The following VWC2 variants were observed in gnomAD, a reference collection of about 807,000 sequenced individuals.
VWC2 encodes brorin.
VWC2 carries 14 observed loss-of-function variants against 29.8 expected under a neutral mutation model. The ratio of observed to expected loss-of-function variants is 0.47; its 90% CI spans 0.31 to 0.74. VWC2 has a LOEUF of 0.74. Among genes scored for constraint, VWC2 ranks in the 30% least tolerant of loss-of-function variants. The pLI is 0.05. For synonymous variants in VWC2, 213 were observed against 199.0 expected, an observed-to-expected ratio of 1.07 and a Z score of -0.59; for missense variants, 457 against 459.8, an observed-to-expected ratio of 0.99 and a Z score of 0.05.
chr7:49,877,540 C>G (rs1268969835), intron 3 of VWC2, among the ~76,000 whole-genome samples: 3 of 105,552 alleles, frequency 2.8e-5, no homozygotes, highest in Non-Finnish European at 5.7e-5. Context: ...ACTTGCTTAC[C>G]TATTTCATCC....
chr7:49,903,124 AG>A (rs1273706567), intron 3 of VWC2, among the ~76,000 whole-genome samples: 1 of 152,214 alleles, frequency 6.6e-6, no homozygotes, highest in Non-Finnish European at 1.5e-5. Context: ...ATGCTGGTAA[AG>A]ATGTGAGTAA....
chr7:49,857,823 A>G (rs994751417), intron 3 of VWC2, among the ~76,000 whole-genome samples: 2 of 152,188 alleles, frequency 1.3e-5, no homozygotes, highest in African/African-American at 4.8e-5. Context: ...AGTGAATCAG[A>G]GCTTCAATTT....
intron 2 of VWC2, among the ~76,000 whole-genome samples, chr7:49,798,048 C>T (rs966404829): frequency 1.3e-5 from 2 of 152,208 alleles, no homozygotes; most frequent in South Asian, 2.1e-4. Flanking sequence ...AAGTTTGTGT[C>T]ATCTGATCGG....
At chr7:49,898,135 ATG>A (rs1189734778) in intron 3 of VWC2, among the ~76,000 whole-genome samples, 7 of 151,392 alleles carry the variant, frequency 4.6e-5, no homozygotes, top group African/African-American at 9.7e-5. Flanking sequence ...GTGTGTATGT[ATG>A]TGTGTGTGTA....
intron 3 of VWC2, among the ~76,000 whole-genome samples, chr7:49,871,448 A>G (rs961291716): frequency 6.6e-6 from 1 of 152,222 alleles, no homozygotes; most frequent in African/African-American, 2.4e-5. Flanking sequence ...AATATACTGT[A>G]TACATTCATG....
At position 49,920,887 on chromosome 7, in the gene VWC2, G is replaced by C. The variant is rs761308136; in HGVS notation, c.*8702G>C. ...TAGCTTTTTGTCTTCATTTCTAATA[G>C]ACTGTTATAGGGGAAATGTACTAAA... On this transcript the variant is annotated 3_prime_UTR_variant, in exon 4 of 4. Transcript: ENST00000340652. 2 of 152,062 alleles carry C rather than the reference G, an allele frequency of 1.3e-5. No homozygotes were observed. Among genetic ancestry groups the C allele is most frequent in the Non-Finnish European group, 2.9e-5 (2 of 68,020 alleles). The allele number at this position is 152,062 out of a possible 1,614,324, so 9.4% of individuals were successfully genotyped here.
intron 2 of VWC2, among the ~76,000 whole-genome samples, chr7:49,778,480 A>G (rs1562699836): frequency 6.6e-6 from 1 of 152,178 alleles, no homozygotes; most frequent in South Asian, 2.1e-4. Context: ...TATGTCAACT[A>G]CATAAAGATT....
At chr7:49,804,941 T>A (rs966435616) in intron 3 of VWC2, among the ~76,000 whole-genome samples, 3 of 152,220 alleles carry the variant, frequency 2.0e-5, no homozygotes, top group African/African-American at 7.2e-5. Flanking sequence ...TTTTAGAGTT[T>A]TTCTTTTGCC....
At chr7:49,899,284 T>C (rs981499177) in intron 3 of VWC2, among the ~76,000 whole-genome samples, 2 of 152,048 alleles carry the variant, frequency 1.3e-5, no homozygotes, top group African/African-American at 4.8e-5. Flanking sequence ...CCAGGAAAGA[T>C]GGCATGGGAT....
In VWC2 at chr7:49,789,179, G is replaced by A. The variant is rs564522170; in HGVS notation, c.696+13048G>A. On this transcript the variant is annotated intron_variant, in intron 2 of 3. Transcript: ENST00000340652. ...TGTGGCTGTATGTGTGTGTTAGCAT[G>A]TGTGTGGGTGCATGTGTGAGTGTGG... Among the ~76,000 whole-genome samples, 73 of 150,114 alleles carry A rather than the reference G, an allele frequency of 4.9e-4. No individual in the cohort carries two copies. The South Asian group carries it at 6.2e-3, about 13-fold the overall frequency.
chr7:49,872,915 CAAAAAAAAAA>C (rs61473396), intron 3 of VWC2, among the ~76,000 whole-genome samples: 2 of 33,946 alleles, frequency 5.9e-5, no homozygotes, highest in South Asian at 1.6e-3. Context: ...GACTTTGTCT[CAAAAAAAAAA>C]AAAAAAAAAA....
Position 49,920,331 on chromosome 7 carries a change from T to C in VWC2, c.*8146T>C, listed in dbSNP as rs866685676. 1 of 152,306 alleles carries C rather than the reference T, an allele frequency of 6.6e-6. No individual in the cohort carries two copies. The highest frequency in any genetic ancestry group is 1.9e-4 in the East Asian group (1 of 5,196). 9.4% of individuals were successfully genotyped at this position (152,306 alleles called of 1,614,324 possible). A position where few individuals can be genotyped will look rare whatever the true frequency, so the allele number is the denominator to read the frequency against. ...CCTTTAAATTTATTCCTCAGAATGA[T>C]GTAAATTTTCCAGCTGGAAGGTCAT... On this transcript the variant is annotated 3_prime_UTR_variant, in exon 4 of 4. Coordinates refer to ENST00000340652, the MANE Select transcript of VWC2 (RefSeq NM_198570.5).
chr7:49,898,602 T>TAC (rs950143512), intron 3 of VWC2, among the ~76,000 whole-genome samples: 4 of 151,938 alleles, frequency 2.6e-5, no homozygotes, highest in Non-Finnish European at 4.4e-5. Flanking sequence ...ATCATAAGCA[T>TAC]ACACACACAC....
At chr7:49,777,694 A>G (rs1788081754) in intron 2 of VWC2, among the ~76,000 whole-genome samples, 2 of 152,158 alleles carry the variant, frequency 1.3e-5, no homozygotes. Flanking sequence ...CTAAATCAGA[A>G]ACCCTGCCCT....
At chr7:49,800,991 C>T (rs1329489273) in intron 2 of VWC2, among the ~76,000 whole-genome samples, 1 of 152,002 alleles carries the variant, frequency 6.6e-6, no homozygotes, top group East Asian at 1.9e-4. Flanking sequence ...TTGTCTCAGG[C>T]TACACTAAAG....
intron 3 of VWC2, among the ~76,000 whole-genome samples, chr7:49,906,663 T>G (rs1276429414): frequency 6.6e-6 from 1 of 152,190 alleles, no homozygotes; most frequent in Non-Finnish European, 1.5e-5. Flanking sequence ...TAAATCATAC[T>G]ATCATAAAAT....
At chr7:49,808,621 A>G (rs1299109124) in intron 3 of VWC2, among the ~76,000 whole-genome samples, 2 of 152,066 alleles carry the variant, frequency 1.3e-5, no homozygotes, top group Admixed American at 6.6e-5. Context: ...ACCCTATGCT[A>G]AGACATAAAA....
chr7:49,898,789 T>G (rs1792538414), intron 3 of VWC2, among the ~76,000 whole-genome samples: 1 of 152,102 alleles, frequency 6.6e-6, no homozygotes. Context: ...AGCTGACTTA[T>G]GTTAGCTGTA....
Position 49,913,717 on chromosome 7 carries a change from A to G in VWC2, c.*1532A>G, listed in dbSNP as rs1483071. ...TAGGAGCCAAACTAGAGACCAGCAA[A>G]TGGAGATTAGAAAGCCTTCCTAATG... is the stretch of plus-strand genomic sequence containing the variant. On this transcript the variant is annotated 3_prime_UTR_variant, in exon 4 of 4. Coordinates refer to ENST00000340652, the MANE Select transcript of VWC2 (RefSeq NM_198570.5). The G allele has an allele frequency of 0.67, 102,084 of 151,980 alleles. 34,738 individuals are homozygous for G. Among genetic ancestry groups the G allele is most frequent in the East Asian group, 0.89 (4,613 of 5,168 alleles). The allele number at this position is 151,980 out of a possible 1,614,324, so 9.4% of individuals were successfully genotyped here. A position where few individuals can be genotyped will look rare whatever the true frequency, so the allele number is the denominator to read the frequency against.
Sources: gnomAD v4.1 joint callset for allele counts (sites outside exome capture counted in the v4.1 genomes callset) on GRCh38, gnomAD v4.1.1 for gene constraint, MANE v1.5 for transcripts, NCBI Gene and HGNC (gene_info 2026-07-23, HGNC 2026-07-21) for gene names.